The following PTPRT variants were observed in gnomAD, a reference collection of about 807,000 sequenced individuals.
The protein encoded by PTPRT is receptor-type tyrosine-protein phosphatase T.
In PTPRT, 56 loss-of-function variants were observed where a neutral mutation model predicts 176.8. The ratio of observed to expected loss-of-function variants is 0.32; its 90% CI spans 0.26 to 0.40. The LOEUF (loss-of-function observed/expected upper bound fraction) is 0.40, where lower values mean the gene tolerates loss of function less well. PTPRT is among the 10% of genes least tolerant of loss of function. The probability of loss-of-function intolerance (pLI) is 1.00; values close to 1 mark genes in which losing one functional copy is unlikely to be tolerated. For missense variants in PTPRT, 1,540 were observed against 1,908.2 expected, an observed-to-expected ratio of 0.81 and a Z score of 3.60; for synonymous variants, 783 against 739.0, an observed-to-expected ratio of 1.06 and a Z score of -0.96.
At chr20:42,205,833 T>C (rs542966149) in intron 15 of PTPRT, among the ~76,000 whole-genome samples, 4 of 151,972 alleles carry the variant, frequency 2.6e-5, no homozygotes, top group African/African-American at 7.2e-5. Context: ...AAAAAAAAAA[T>C]TCACAAGTGA....
At chr20:42,717,181 T>TATAATA (rs71335871) in intron 6 of PTPRT, among the ~76,000 whole-genome samples, 54 of 146,442 alleles carry the variant, frequency 3.7e-4, no homozygotes, top group South Asian at 2.2e-3. Context: ...AAACTTAAAG[T>TATAATA]ATAATAATAA....
At chr20:42,669,218 A>C (rs1331492542) in intron 7 of PTPRT, among the ~76,000 whole-genome samples, 4 of 152,078 alleles carry the variant, frequency 2.6e-5, no homozygotes, top group African/African-American at 9.7e-5. Context: ...TGCTGGTCAT[A>C]ATCCATCTTC....
Position 42,080,084 on chromosome 20 carries a change from C to T in PTPRT, c.*795G>A, listed in dbSNP as rs1237308694. 4.3e-6 allele frequency: 1 copy of T among 232,794 alleles called. No individual in the cohort carries two copies. Among genetic ancestry groups the T allele is most frequent in the Admixed American group, 5.6e-5 (1 of 17,778 alleles). 14.4% of individuals were successfully genotyped at this position (232,794 alleles called of 1,614,324 possible). A position where few individuals can be genotyped will look rare whatever the true frequency, so the allele number is the denominator to read the frequency against. On this transcript the variant is annotated 3_prime_UTR_variant, in exon 31 of 31. Transcript: ENST00000373187. The stretch of plus-strand genomic sequence containing the variant: ...AGGGGTTACATCCTACAGGTCAGCC[C>T]AAGCCCTGCCCCAGGGAGGTGGTCC...
chr20:42,263,664 C>T (rs986274214), intron 13 of PTPRT, among the ~76,000 whole-genome samples: 1 of 150,700 alleles, frequency 6.6e-6, no homozygotes, highest in Non-Finnish European at 1.5e-5. Flanking sequence ...TAGACATGAG[C>T]CACTGCGCCG....
intron 1 of PTPRT, among the ~76,000 whole-genome samples, chr20:43,186,132 C>T (rs1051072611): frequency 1.3e-5 from 2 of 152,198 alleles, no homozygotes; most frequent in Non-Finnish European, 2.9e-5. Context: ...CATATTGCAT[C>T]TTATTTGGTT....
At chr20:43,074,818 T>C (rs1310723216) in intron 1 of PTPRT, among the ~76,000 whole-genome samples, 1 of 152,230 alleles carries the variant, frequency 6.6e-6, no homozygotes, top group Non-Finnish European at 1.5e-5. Context: ...ACCACAATGT[T>C]AAGACCACTA....
At chr20:42,093,382 T>A (rs1984840701) in intron 27 of PTPRT, among the ~76,000 whole-genome samples, 1 of 152,238 alleles carries the variant, frequency 6.6e-6, no homozygotes, top group South Asian at 2.1e-4. Context: ...TAGAAAAATC[T>A]GTAAGGTTGA....
chr20:42,669,050 C>T lies in PTPRT; in HGVS notation c.1153+8816G>A, dbSNP rs569914569. Among the ~76,000 whole-genome samples, 6 of 151,978 alleles carry T rather than the reference C, an allele frequency of 3.9e-5. No homozygotes were observed. In the South Asian group the frequency reaches 1.0e-3, roughly 26 times the overall value. The stretch of plus-strand genomic sequence containing the variant: ...GCGTCTCAATCAGAGGCTCCATAAC[C>T]GAGTATGATCAGAGCAGGTTTTCTC... On this transcript the variant is annotated intron_variant, in intron 7 of 30. Coordinates refer to ENST00000373187, the MANE Select transcript of PTPRT (RefSeq NM_007050.6).
chr20:42,728,540 T>C (rs1365214843), intron 6 of PTPRT, among the ~76,000 whole-genome samples: 1 of 152,172 alleles, frequency 6.6e-6, no homozygotes, highest in African/African-American at 2.4e-5. Context: ...GCATCCAACA[T>C]TGACTAGCAG....
chr20:42,382,938 C>A (rs2058710664), intron 9 of PTPRT, among the ~76,000 whole-genome samples: 1 of 152,154 alleles, frequency 6.6e-6, no homozygotes, highest in African/African-American at 2.4e-5. Flanking sequence ...GAAGGCAGTG[C>A]AGTATGGAAT....
chr20:42,592,334 A>G (rs1488893855), intron 7 of PTPRT, among the ~76,000 whole-genome samples: 1 of 151,966 alleles, frequency 6.6e-6, no homozygotes, highest in Non-Finnish European at 1.5e-5. Flanking sequence ...TAAATAGGCA[A>G]CCTCCACTTG....
intron 1 of PTPRT, among the ~76,000 whole-genome samples, chr20:42,896,495 C>T (rs1228417867): frequency 3.3e-5 from 5 of 151,934 alleles, no homozygotes; most frequent in African/African-American, 7.3e-5. Flanking sequence ...ATTAGCCAGG[C>T]GTGGTGGCGC....
intron 1 of PTPRT, among the ~76,000 whole-genome samples, chr20:43,185,790 G>A (rs909045223): frequency 2.0e-5 from 3 of 152,088 alleles, no homozygotes; most frequent in Non-Finnish European, 4.4e-5. Flanking sequence ...AAATTAGTCA[G>A]GTATGGTGGC....
intron 8 of PTPRT, among the ~76,000 whole-genome samples, chr20:42,461,253 G>A (rs1453308585): frequency 6.6e-6 from 1 of 152,220 alleles, no homozygotes; most frequent in Non-Finnish European, 1.5e-5. Flanking sequence ...CTTGAACCTG[G>A]GAGGCGGAGG....
intron 15 of PTPRT, among the ~76,000 whole-genome samples, chr20:42,219,089 G>A (rs1429646710): frequency 4.6e-5 from 7 of 152,144 alleles, no homozygotes. Flanking sequence ...ATTAATTAGT[G>A]TACACTAGGA....
At chr20:42,485,431 C>T (rs1325283074) in intron 7 of PTPRT, among the ~76,000 whole-genome samples, 1 of 152,192 alleles carries the variant, frequency 6.6e-6, no homozygotes, top group Non-Finnish European at 1.5e-5. Context: ...CTTGTCCTGG[C>T]TGTGAACAAT....
At chr20:42,639,897 T>A (rs1335248533) in intron 7 of PTPRT, among the ~76,000 whole-genome samples, 1 of 152,132 alleles carries the variant, frequency 6.6e-6, no homozygotes, top group Non-Finnish European at 1.5e-5. Context: ...CATTTCAAAT[T>A]GTCTACGCCG....
At chr20:42,127,055 T>C (rs991984356) in intron 19 of PTPRT, among the ~76,000 whole-genome samples, 5 of 152,090 alleles carry the variant, frequency 3.3e-5, no homozygotes, top group African/African-American at 1.2e-4. Context: ...GGCAATTCAG[T>C]ATGGGGAGTT....
intron 26 of PTPRT, among the ~76,000 whole-genome samples, chr20:42,101,513 G>A (rs1232473250): frequency 6.6e-6 from 1 of 152,180 alleles, no homozygotes; most frequent in Non-Finnish European, 1.5e-5. Context: ...CCAGGGTAGG[G>A]TGAAGCCCCT....
Sources: gnomAD v4.1 joint callset for allele counts (sites outside exome capture counted in the v4.1 genomes callset) on GRCh38, gnomAD v4.1.1 for gene constraint, MANE v1.5 for transcripts, NCBI Gene and HGNC (gene_info 2026-07-23, HGNC 2026-07-21) for gene names.